ZNF98: variants seen among roughly 807,000 people sequenced by gnomAD.
The protein encoded by ZNF98 is zinc finger protein 98.
ZNF98 carries 8 observed loss-of-function variants against 12.8 expected under a neutral mutation model. The ratio of observed to expected loss-of-function variants is 0.63; its 90% confidence interval spans 0.37 to 1.13. The LOEUF is 1.13. Ranked by LOEUF, ZNF98 falls within the 50% of genes most tolerant of loss-of-function variation. The pLI is 0.01. For synonymous variants in ZNF98, 112 were observed against 223.5 expected (o/e 0.50, Z 4.45); for missense variants, 379 against 666.1 (o/e 0.57, Z 4.74).
At chr19:22,394,567 T>C (rs533561714) in intron 3 of ZNF98, among the ~76,000 whole-genome samples, 1 of 152,228 alleles carries the variant, frequency 6.6e-6, no homozygotes, top group South Asian at 2.1e-4. Context: ...ACCATCATTC[T>C]GAGCACACTA....
chr19:22,396,885 C>T (rs1471186446), intron 3 of ZNF98, among the ~76,000 whole-genome samples: 6 of 152,108 alleles, frequency 3.9e-5, no homozygotes, highest in African/African-American at 1.4e-4. Flanking sequence ...CTTTGGGAGG[C>T]TGAGGCAGGT....
chr19:22,410,372 T>C lies in ZNF98; in HGVS notation c.31-6860A>G, dbSNP rs191785142. Among the ~76,000 whole-genome samples, 42 of 152,230 alleles carry C rather than the reference T, an allele frequency of 2.8e-4. 1 individual carries two copies. The highest frequency in any genetic ancestry group is 6.5e-4 in the Admixed American group (10 of 15,276). On this transcript the variant is annotated intron_variant, in intron 1 of 3. Transcript: ENST00000357774. ...ACCCAAATGCCCATCAATGACAGAC[T>C]TGACAAATAAAATATGGTACATACA... is the stretch of plus-strand genomic sequence containing the variant.
intron 1 of ZNF98, among the ~76,000 whole-genome samples, chr19:22,406,792 G>A (rs1969524601): frequency 6.7e-6 from 1 of 149,282 alleles, no homozygotes; most frequent in Non-Finnish European, 1.5e-5. Flanking sequence ...ACTCCAGCCT[G>A]GGCAACAGAG....
chr19:22,401,239 A>C (rs1599385618), intron 3 of ZNF98, among the ~76,000 whole-genome samples: 1 of 152,132 alleles, frequency 6.6e-6, no homozygotes, highest in Non-Finnish European at 1.5e-5. Flanking sequence ...AGTAATAATT[A>C]CACTCAATAA....
chr19:22,391,309 G>T lies in ZNF98; in HGVS notation c.*207C>A. 1.9e-6 allele frequency: 2 copies of T among 1,034,412 alleles called. No individual in the cohort carries two copies. Among genetic ancestry groups the T allele is most frequent in the Non-Finnish European group, 2.7e-6 (2 of 731,810 alleles). The allele number at this position is 1,034,412 out of a possible 1,614,324, so 64.1% of individuals were successfully genotyped here. ...AATTCTCTGATGCTGAATAAGATGT[G>T]TGCAGATATTAATCACTTTTTTACT... is the stretch of plus-strand genomic sequence containing the variant. On this transcript the variant is annotated 3_prime_UTR_variant, in exon 4 of 4. Transcript: ENST00000357774.
intron 1 of ZNF98, among the ~76,000 whole-genome samples, chr19:22,415,513 C>T (rs1259967483): frequency 6.6e-6 from 1 of 151,852 alleles, no homozygotes; most frequent in Non-Finnish European, 1.5e-5. Context: ...TGGCTCACAC[C>T]TGTAATCTCA....
chr19:22,410,671 G>T (rs188706087), intron 1 of ZNF98, among the ~76,000 whole-genome samples: 191 of 152,232 alleles, frequency 1.3e-3, no homozygotes, highest in African/African-American at 4.4e-3. Flanking sequence ...ACACATATAC[G>T]TATGTAATAA....
intron 1 of ZNF98, among the ~76,000 whole-genome samples, chr19:22,420,349 A>G (rs1464549898): frequency 6.6e-6 from 1 of 152,126 alleles, no homozygotes; most frequent in African/African-American, 2.4e-5. Context: ...TTTTTGTACT[A>G]TCTCACTGAA....
intron 1 of ZNF98, among the ~76,000 whole-genome samples, chr19:22,421,206 G>T (rs1969699857): frequency 6.6e-6 from 1 of 152,038 alleles, no homozygotes; most frequent in Non-Finnish European, 1.5e-5. Context: ...GTCAAAAAAT[G>T]ATTAATTAAA....
intron 1 of ZNF98, among the ~76,000 whole-genome samples, chr19:22,408,522 A>G (rs776796449): frequency 1.3e-5 from 2 of 152,166 alleles, no homozygotes; most frequent in Non-Finnish European, 2.9e-5. Flanking sequence ...TGCAGATGAC[A>G]TTATTCTATA....
At chr19:22,400,159 G>A (rs1969440343) in intron 3 of ZNF98, among the ~76,000 whole-genome samples, 1 of 151,878 alleles carries the variant, frequency 6.6e-6, no homozygotes, top group South Asian at 2.1e-4. Context: ...CACAGTCTGG[G>A]AGAGGTCTTG....
intron 1 of ZNF98, among the ~76,000 whole-genome samples, chr19:22,420,404 T>G (rs1455214800): frequency 6.6e-6 from 1 of 152,198 alleles, no homozygotes; most frequent in Non-Finnish European, 1.5e-5. Flanking sequence ...TACTATTTTT[T>G]CTTTCACAAA....
At position 22,392,972 on chromosome 19, in the gene ZNF98, G is replaced by T. The variant is rs200329227; in HGVS notation, c.263C>A (p.Ser88Tyr). ...TGGCCAAAGGTCTTGGGCAAAATAAGAATATACAACTGAAAGAAATAAAAA... is the reference window on the plus strand; with the variant it reads ...TGGCCAAAGGTCTTGGGCAAAATAATAATATACAACTGAAAGAAATAAAAA... ...EMVTEPPVVY[S>Y]YFAQDLWPKQ... Residue 88 changes from serine to tyrosine, a missense_variant, in exon 4 of 4, where the codon TCT (serine) becomes TAT (tyrosine). Ser to Tyr is a moderately radical substitution (Grantham distance 144). This residue lies in a region of ZNF98 where 223 missense variants were observed against 261.6 expected (regional missense o/e 0.85). Coordinates refer to ENST00000357774, the MANE Select transcript of ZNF98 (RefSeq NM_001098626.2). The T allele has an allele frequency of 1.1e-5, 17 of 1,521,684 alleles. No homozygotes were observed. The highest frequency in any genetic ancestry group is 4.5e-5 in the East Asian group (2 of 44,052). 94.3% of individuals were successfully genotyped at this position (1,521,684 alleles called of 1,614,324 possible). A position where few individuals can be genotyped will look rare whatever the true frequency, so the allele number is the denominator to read the frequency against.
intron 1 of ZNF98, among the ~76,000 whole-genome samples, chr19:22,409,340 GA>G (rs1969556031): frequency 6.6e-6 from 1 of 152,040 alleles, no homozygotes; most frequent in Non-Finnish European, 1.5e-5. Flanking sequence ...AAAAACCCTA[GA>G]AGAAAACCTA....
At chr19:22,396,858 C>T (rs1181591917) in intron 3 of ZNF98, among the ~76,000 whole-genome samples, 6 of 152,208 alleles carry the variant, frequency 3.9e-5, no homozygotes, top group Admixed American at 1.3e-4. Context: ...TGGTGGCTCA[C>T]GCCTGTAATC....
intron 1 of ZNF98, among the ~76,000 whole-genome samples, chr19:22,411,788 T>G (rs1483679745): frequency 6.6e-6 from 1 of 152,228 alleles, no homozygotes; most frequent in Non-Finnish European, 1.5e-5. Flanking sequence ...ATTTGCATTT[T>G]CTCCTAAAAC....
chr19:22,414,854 T>C (rs183578136), intron 1 of ZNF98, among the ~76,000 whole-genome samples: 158 of 152,130 alleles, frequency 1.0e-3, no homozygotes, highest in African/African-American at 3.4e-3. Context: ...CAGAAGCAAT[T>C]GCAACAAAAG....
chr19:22,405,758 T>G (rs1348924487), intron 1 of ZNF98, among the ~76,000 whole-genome samples: 1 of 152,164 alleles, frequency 6.6e-6, no homozygotes, highest in Non-Finnish European at 1.5e-5. Context: ...CTAAGCCATC[T>G]GAGCTCCCCG....
intron 3 of ZNF98, among the ~76,000 whole-genome samples, chr19:22,402,175 C>CAAAAAAAAAAA (rs869111485): frequency 5.0e-4 from 30 of 60,508 alleles, no homozygotes; most frequent in East Asian, 1.0e-3. Flanking sequence ...GACTCCATCT[C>CAAAAAAAAAAA]AAAAAAAAAA....
Sources: allele counts gnomAD v4.1 joint callset (sites outside exome capture counted in the v4.1 genomes callset), GRCh38; gene constraint gnomAD v4.1.1; regional missense constraint gnomAD v4.1.1; transcripts MANE v1.5; gene names NCBI Gene and HGNC (gene_info 2026-07-23, HGNC 2026-07-21).